TENM1: variants seen among roughly 807,000 people sequenced by gnomAD.
TENM1 encodes the protein teneurin-1.
TENM1 carries 35 observed loss-of-function variants against 174.8 expected under a neutral mutation model. That is an observed-to-expected ratio of 0.20 (90% CI 0.15 to 0.27). The LOEUF is 0.27. Among genes scored for constraint, TENM1 ranks in the 10% least tolerant of loss-of-function variants. The probability of loss-of-function intolerance (pLI) is 1.00; values close to 1 mark genes in which losing one functional copy is unlikely to be tolerated. For missense variants in TENM1, 1,633 were observed against 2,130.1 expected (o/e 0.77, Z 4.59); for synonymous variants, 781 against 798.7 (o/e 0.98, Z 0.37).
the TENM1 span, among the ~76,000 whole-genome samples, chrX:125,088,932 A>C: frequency 9.0e-6 from 1 of 111,519 alleles, no homozygotes; most frequent in African/African-American, 3.3e-5. Context: ...ATACCTATAC[A>C]CTATAAAATC....
chrX:124,821,445 A>G (rs1055630964), intron 3 of TENM1, among the ~76,000 whole-genome samples: 1 of 111,965 alleles, frequency 8.9e-6, no homozygotes, highest in African/African-American at 3.2e-5. Flanking sequence ...TGAAAGCTAT[A>G]CTCTTCCCAT....
chrX:124,588,752 T>C (rs1222490351), intron 11 of TENM1, among the ~76,000 whole-genome samples: 2 of 112,025 alleles, frequency 1.8e-5, no homozygotes, highest in African/African-American at 3.2e-5. Flanking sequence ...GATCTGTGTA[T>C]CCTGAAACTT....
At chrX:124,608,534 C>A (rs1325612596) in intron 11 of TENM1, among the ~76,000 whole-genome samples, 1 of 111,527 alleles carries the variant, frequency 9.0e-6, no homozygotes, top group East Asian at 2.8e-4. Context: ...ACAGTAAGCG[C>A]GCTGCTGTCA....
At chrX:124,899,847 A>G (rs1039954637) in intron 1 of TENM1, among the ~76,000 whole-genome samples, 5 of 112,377 alleles carry the variant, frequency 4.4e-5, no homozygotes, top group Non-Finnish European at 7.5e-5. Flanking sequence ...TAAAGCCACA[A>G]TGAGATACCA....
At chrX:124,393,078 C>CA (rs2060298997) in intron 27 of TENM1, among the ~76,000 whole-genome samples, 1 of 110,889 alleles carries the variant, frequency 9.0e-6, no homozygotes, top group East Asian at 2.8e-4. Flanking sequence ...CTTTTTCTAC[C>CA]GTATGGTAGC....
intron 3 of TENM1, among the ~76,000 whole-genome samples, chrX:124,749,801 T>C (rs920155295): frequency 9.0e-6 from 1 of 111,727 alleles, no homozygotes; most frequent in African/African-American, 3.2e-5. Context: ...TAACTGTGTA[T>C]CAACCTAATT....
the TENM1 span, among the ~76,000 whole-genome samples, chrX:125,137,663 C>T: frequency 2.5e-4 from 28 of 111,350 alleles, no homozygotes; most frequent in African/African-American, 7.8e-4. Context: ...TAATATCATG[C>T]CATCTAGCCC....
chrX:125,181,034 T>C, the TENM1 span, among the ~76,000 whole-genome samples: 6 of 111,968 alleles, frequency 5.4e-5, no homozygotes, highest in Non-Finnish European at 1.9e-5. Context: ...GATGAAATTG[T>C]TTGCCCATCC....
chrX:124,731,483 T>C (rs1273328201), intron 4 of TENM1, among the ~76,000 whole-genome samples: 1 of 111,680 alleles, frequency 9.0e-6, no homozygotes, highest in Non-Finnish European at 1.9e-5. Flanking sequence ...CTGTCACAGT[T>C]GCTAAAGTTT....
chrX:124,657,616 A>T (rs908920958), intron 6 of TENM1, among the ~76,000 whole-genome samples: 2 of 112,027 alleles, frequency 1.8e-5, no homozygotes, highest in African/African-American at 6.5e-5. Context: ...TATTCTGCAC[A>T]TATGTGTATA....
At chrX:124,474,755 C>T (rs1287323800) in intron 22 of TENM1, among the ~76,000 whole-genome samples, 1 of 111,478 alleles carries the variant, frequency 9.0e-6, no homozygotes, top group Non-Finnish European at 1.9e-5. Context: ...TTTGACTACC[C>T]TAAGCAGATG....
At chrX:124,759,514 T>C (rs1402852677) in intron 3 of TENM1, among the ~76,000 whole-genome samples, 1 of 111,104 alleles carries the variant, frequency 9.0e-6, no homozygotes, top group African/African-American at 3.3e-5. Context: ...TGTATCATTC[T>C]TATGTCTTTG....
At chrX:124,969,351 C>A in the TENM1 span, among the ~76,000 whole-genome samples, 1 of 111,944 alleles carries the variant, frequency 8.9e-6, no homozygotes, top group Admixed American at 9.5e-5. Context: ...TCTCTACTTG[C>A]TAACAAGACA....
chrX:124,487,095 C>T (rs943096380), intron 21 of TENM1, 114 bp downstream of exon 24: 4 of 729,525 alleles, frequency 5.5e-6, no homozygotes, highest in African/African-American at 2.1e-5. Flanking sequence ...AATTTATGTT[C>T]ACACTATTCT....
At chrX:124,748,859 G>GT (rs1418975345) in intron 3 of TENM1, among the ~76,000 whole-genome samples, 1 of 111,788 alleles carries the variant, frequency 8.9e-6, no homozygotes, top group Non-Finnish European at 1.9e-5. Flanking sequence ...GCATCTCAAT[G>GT]TTTTTTGTAA....
chrX:124,573,677 T>G (rs1190192295), intron 11 of TENM1, among the ~76,000 whole-genome samples: 1 of 111,950 alleles, frequency 8.9e-6, no homozygotes, highest in Admixed American at 9.5e-5. Context: ...GGAAGCAATA[T>G]CCTCATGAAT....
intron 22 of TENM1, among the ~76,000 whole-genome samples, chrX:124,471,488 T>C (rs1423009538): frequency 1.9e-5 from 1 of 51,630 alleles, no homozygotes; most frequent in Non-Finnish European, 3.2e-5. Context: ...ATATAATATA[T>C]AGTATTATAT....
At chrX:124,664,681 T>G (rs75445718) in intron 6 of TENM1, among the ~76,000 whole-genome samples, 191 of 28,879 alleles carry the variant, frequency 6.6e-3, no homozygotes, top group East Asian at 0.025. Context: ...ACTTGTGGGG[T>G]GTGTGTGTGT....
At chrX:124,845,288 T>C (rs1013343342) in intron 3 of TENM1, among the ~76,000 whole-genome samples, 2 of 111,318 alleles carry the variant, frequency 1.8e-5, no homozygotes, top group African/African-American at 6.5e-5. Flanking sequence ...TTCTCAAATT[T>C]TAATGTGCAC....
Sources: gnomAD v4.1 joint callset for allele counts (sites outside exome capture counted in the v4.1 genomes callset) on GRCh38, gnomAD v4.1.1 for gene constraint, MANE v1.5 for transcripts, NCBI Gene and HGNC (gene_info 2026-07-23, HGNC 2026-07-21) for gene names.